The following KCNQ5 variants were observed in gnomAD, a reference collection of about 807,000 sequenced individuals.
The protein encoded by KCNQ5 is potassium voltage-gated channel subfamily Q member 5, also known as potassium voltage-gated channel subfamily KQT member 5.
A neutral mutation model predicts 98.2 loss-of-function variants in KCNQ5; 30 were observed. The ratio of observed to expected loss-of-function variants is 0.31; its 90% CI spans 0.23 to 0.41. KCNQ5 has a LOEUF of 0.41. Among genes scored for constraint, KCNQ5 ranks in the 10% least tolerant of loss-of-function variants. KCNQ5 has a pLI of 1.00. For synonymous variants in KCNQ5, 458 were observed against 449.4 expected (o/e 1.02, Z -0.24); for missense variants, 835 against 1,182.5 (o/e 0.71, Z 4.31).
In KCNQ5 at chr6:73,066,681, A is replaced by G. The variant is rs77209748; in HGVS notation, c.617-10641A>G. ...CCTTGAGACTTGCCAGTTCAATCCAACTATTTTAAAGGTATGGAAACCAGC... is the reference window on the plus strand; with the variant it reads ...CCTTGAGACTTGCCAGTTCAATCCAGCTATTTTAAAGGTATGGAAACCAGC... On this transcript the variant is annotated intron_variant, in intron 3 of 13. Transcript: ENST00000370398. 3.3e-4 allele frequency among the ~76,000 whole-genome samples: 50 copies of G among 152,298 alleles called. 1 individual carries two copies. In the East Asian group the frequency reaches 9.5e-3, roughly 29 times the overall value.
In KCNQ5 at chr6:73,194,667, C is replaced by A; in HGVS notation, c.2052C>A (p.Ile684=). The change falls in exon 14 of 14, where the codon ATC becomes ATA. Residue 684 remains isoleucine, a synonymous_variant. Transcript: ENST00000370398. ...GCLSRSTSAN[I]SRGLQFILTP... The stretch of plus-strand genomic sequence containing the variant: ...TATCCAGATCAACTAGTGCCAACAT[C>A]TCGAGAGGCCTGCAGTTCATTCTGA... The A allele has an allele frequency of 1.2e-6, 2 of 1,614,252 alleles. No homozygotes were observed. The highest frequency in any genetic ancestry group is 8.5e-7 in the Non-Finnish European group (1 of 1,180,046).
chr6:72,819,898 C>T (rs188393967), intron 1 of KCNQ5, among the ~76,000 whole-genome samples: 2 of 152,336 alleles, frequency 1.3e-5, no homozygotes, highest in Admixed American at 6.5e-5. Context: ...GGAAATAGAA[C>T]CCTACATTTG....
intron 1 of KCNQ5, among the ~76,000 whole-genome samples, chr6:72,737,384 T>G (rs1438788722): frequency 1.3e-5 from 2 of 152,086 alleles, no homozygotes; most frequent in Non-Finnish European, 2.9e-5. Context: ...TAATCAGCAA[T>G]CAAACAAAGC....
chr6:72,929,114 C>T (rs1765578404), intron 1 of KCNQ5, among the ~76,000 whole-genome samples: 2 of 152,086 alleles, frequency 1.3e-5, no homozygotes, highest in South Asian at 4.1e-4. Flanking sequence ...ACAGAGGTTC[C>T]TCATAACTAG....
intron 1 of KCNQ5, among the ~76,000 whole-genome samples, chr6:72,786,370 T>C (rs554681571): frequency 6.6e-6 from 1 of 152,268 alleles, no homozygotes; most frequent in Non-Finnish European, 1.5e-5. Context: ...TGCAAAAATT[T>C]GTAACAAAAC....
chr6:73,112,953 A>G (rs1582381701), intron 7 of KCNQ5, among the ~76,000 whole-genome samples: 2 of 58,502 alleles, frequency 3.4e-5, no homozygotes, highest in East Asian at 1.3e-3. Context: ...TTTTTACATT[A>G]TTTTTTACAA....
chr6:72,674,299 C>A (rs1002856741), intron 1 of KCNQ5, among the ~76,000 whole-genome samples: 1 of 151,622 alleles, frequency 6.6e-6, no homozygotes, highest in Non-Finnish European at 1.5e-5. Flanking sequence ...AGATTAATTG[C>A]AGAATGGATT....
At chr6:73,002,893 T>A (rs1354405672) in intron 1 of KCNQ5, among the ~76,000 whole-genome samples, 2 of 152,066 alleles carry the variant, frequency 1.3e-5, no homozygotes, top group Non-Finnish European at 2.9e-5. Flanking sequence ...TCCAATCAAG[T>A]GTGGTGGTAA....
chr6:73,022,538 G>A (rs541813120), intron 2 of KCNQ5, among the ~76,000 whole-genome samples: 2 of 152,170 alleles, frequency 1.3e-5, no homozygotes, highest in South Asian at 2.1e-4. Flanking sequence ...GAGCCCAGAA[G>A]TTCAAGGCTG....
At chr6:73,056,091 T>A (rs1478623131) in intron 3 of KCNQ5, among the ~76,000 whole-genome samples, 1 of 152,194 alleles carries the variant, frequency 6.6e-6, no homozygotes, top group Admixed American at 6.5e-5. Context: ...AAAGCCCCCC[T>A]TATCCAAGAG....
At chr6:72,892,876 C>A (rs1253054761) in intron 1 of KCNQ5, among the ~76,000 whole-genome samples, 2 of 151,880 alleles carry the variant, frequency 1.3e-5, no homozygotes, top group African/African-American at 4.8e-5. Flanking sequence ...GTATACTGCC[C>A]ATAACAAATT....
chr6:72,671,806 A>G (rs1041686476), intron 1 of KCNQ5, among the ~76,000 whole-genome samples: 2 of 151,976 alleles, frequency 1.3e-5, no homozygotes. Context: ...ACACATATAT[A>G]TCACCAGAAA....
At chr6:72,903,818 G>A (rs1581989360) in intron 1 of KCNQ5, among the ~76,000 whole-genome samples, 2 of 152,238 alleles carry the variant, frequency 1.3e-5, no homozygotes, top group African/African-American at 4.8e-5. Context: ...TTGTTGGATG[G>A]AATGTTCTGT....
chr6:72,937,482 AAAATAAATATAATTTTGATCAAGTT>A (rs1401447123), intron 1 of KCNQ5, among the ~76,000 whole-genome samples: 1 of 152,242 alleles, frequency 6.6e-6, no homozygotes, highest in East Asian at 1.9e-4. Context: ...ACACATTACC[AAAATAAATATAATTTTGATCAAGTT>A]AAAGTATGTT....
At chr6:72,627,889 C>G (rs2098918792) in intron 1 of KCNQ5, among the ~76,000 whole-genome samples, 1 of 152,172 alleles carries the variant, frequency 6.6e-6, no homozygotes, top group African/African-American at 2.4e-5. Context: ...AGATCACTTC[C>G]TCTTGGGCAT....
chr6:73,030,916 G>A (rs1044884353), intron 2 of KCNQ5, among the ~76,000 whole-genome samples: 1 of 152,094 alleles, frequency 6.6e-6, no homozygotes, highest in Non-Finnish European at 1.5e-5. Flanking sequence ...TGAGCTTTTC[G>A]GGGTTCTACC....
intron 1 of KCNQ5, among the ~76,000 whole-genome samples, chr6:72,867,886 G>A (rs1778051643): frequency 6.6e-6 from 1 of 151,966 alleles, no homozygotes; most frequent in Middle Eastern, 3.2e-3. Flanking sequence ...AGAGAGGTAT[G>A]ATCAGCCACT....
chr6:73,095,292 GCTAT>G (rs1356531306), intron 5 of KCNQ5, among the ~76,000 whole-genome samples: 15 of 152,136 alleles, frequency 9.9e-5, no homozygotes, highest in Admixed American at 9.2e-4. Flanking sequence ...TTTTATTTAT[GCTAT>G]CTATTTCCTT....
chr6:73,007,695 G>A (rs1316109499), intron 2 of KCNQ5, among the ~76,000 whole-genome samples: 3 of 152,124 alleles, frequency 2.0e-5, no homozygotes, highest in Non-Finnish European at 4.4e-5. Flanking sequence ...CAGCTTATAA[G>A]AGCCAGGATG....
Sources: allele counts gnomAD v4.1 joint callset (sites outside exome capture counted in the v4.1 genomes callset), GRCh38; gene constraint gnomAD v4.1.1; transcripts MANE v1.5; gene names NCBI Gene and HGNC (gene_info 2026-07-23, HGNC 2026-07-21).